Variants in NRCAM observed in about 807,000 individuals in gnomAD.
NRCAM encodes neuronal cell adhesion molecule.
NRCAM carries 83 observed loss-of-function variants against 156.5 expected under a neutral mutation model. The observed-to-expected ratio is 0.53, with a 90% CI of 0.44 to 0.64. NRCAM has a LOEUF of 0.64. Ranked by LOEUF, NRCAM falls within the 30% of genes least tolerant of loss-of-function variation. NRCAM has a pLI of 0.00. For synonymous variants in NRCAM, 538 were observed against 563.9 expected (o/e 0.95, Z 0.65); for missense variants, 1,417 against 1,597.3 (o/e 0.89, Z 1.92).
intron 2 of NRCAM, among the ~76,000 whole-genome samples, chr7:108,347,130 C>CG (rs1266673859): frequency 2.7e-5 from 4 of 150,172 alleles, no homozygotes; most frequent in African/African-American, 9.8e-5. Flanking sequence ...CACTGCCTCC[C>CG]GGGTTCATGC....
intron 1 of NRCAM, among the ~76,000 whole-genome samples, chr7:108,405,947 C>G (rs2099806046): frequency 7.5e-6 from 1 of 132,626 alleles, no homozygotes. Context: ...AGTGAGAATG[C>G]CTCTACAATT....
At chr7:108,199,035 G>C (rs757175193) in intron 13 of NRCAM, among the ~76,000 whole-genome samples, 43 of 152,212 alleles carry the variant, frequency 2.8e-4, no homozygotes, top group Non-Finnish European at 5.6e-4. Context: ...AGTACACTAA[G>C]AGGGATTTAG....
intron 1 of NRCAM, among the ~76,000 whole-genome samples, chr7:108,445,584 A>G (rs1355346300): frequency 1.3e-5 from 2 of 152,168 alleles, no homozygotes; most frequent in Non-Finnish European, 2.9e-5. Context: ...ATCATTTGTT[A>G]CAGTCACATA....
At chr7:108,350,228 T>C (rs1334211408) in intron 2 of NRCAM, among the ~76,000 whole-genome samples, 1 of 152,200 alleles carries the variant, frequency 6.6e-6, no homozygotes, top group Non-Finnish European at 1.5e-5. Flanking sequence ...TGGTGTTTAT[T>C]TATCATCTAA....
chr7:108,167,844 C>A (rs2055710412), intron 29 of NRCAM, among the ~76,000 whole-genome samples: 1 of 152,096 alleles, frequency 6.6e-6, no homozygotes, highest in African/African-American at 2.4e-5. Flanking sequence ...TCTGCGGTTT[C>A]TTATAAAATT....
At chr7:108,255,246 C>T (rs183068192) in intron 3 of NRCAM, among the ~76,000 whole-genome samples, 12 of 150,396 alleles carry the variant, frequency 8.0e-5, no homozygotes, top group African/African-American at 2.9e-4. Context: ...GCCGCCATCT[C>T]GGCTCACTGC....
intron 2 of NRCAM, among the ~76,000 whole-genome samples, chr7:108,391,397 C>T (rs2099759373): frequency 6.6e-6 from 1 of 152,056 alleles, no homozygotes; most frequent in African/African-American, 2.4e-5. Flanking sequence ...GATTGCAACC[C>T]CTGCTTTTTT....
intron 2 of NRCAM, among the ~76,000 whole-genome samples, chr7:108,366,746 T>C: frequency 6.6e-6 from 1 of 152,188 alleles, no homozygotes; most frequent in East Asian, 1.9e-4. Flanking sequence ...AATACCTAAT[T>C]GCAAGCTAAT....
chr7:108,183,379 T>C (rs1012606960), intron 22 of NRCAM, among the ~76,000 whole-genome samples: 5 of 142,116 alleles, frequency 3.5e-5, no homozygotes, highest in African/African-American at 7.5e-5. Context: ...TATGTACATA[T>C]ATGTATACAT....
chr7:108,324,426 T>C (rs1228399663), intron 2 of NRCAM, among the ~76,000 whole-genome samples: 1 of 152,184 alleles, frequency 6.6e-6, no homozygotes, highest in Non-Finnish European at 1.5e-5. Context: ...ATAATGCTTG[T>C]CTTCACATCA....
chr7:108,194,718 G>T (rs911015746), intron 15 of NRCAM, among the ~76,000 whole-genome samples: 1 of 152,170 alleles, frequency 6.6e-6, no homozygotes. Context: ...GTTAAGGTAG[G>T]GGCCAAGGGA....
intron 2 of NRCAM, among the ~76,000 whole-genome samples, chr7:108,364,420 T>C (rs1010282606): frequency 2.0e-5 from 3 of 152,132 alleles, no homozygotes; most frequent in African/African-American, 7.2e-5. Flanking sequence ...TGTAAAATGG[T>C]ATAGGCACTT....
intron 3 of NRCAM, among the ~76,000 whole-genome samples, chr7:108,256,056 C>CT (rs1384091304): frequency 1.1e-3 from 169 of 152,034 alleles, no homozygotes; most frequent in Non-Finnish European, 1.4e-3. Flanking sequence ...TGGGGGGCGC[C>CT]TCTGCCCGGC....
intron 3 of NRCAM, among the ~76,000 whole-genome samples, chr7:108,292,747 C>T (rs1990713): frequency 0.31 from 47,765 of 151,864 alleles, 7,837 homozygotes; most frequent in East Asian, 0.54. Flanking sequence ...AGGGTTATTA[C>T]GAAGTTTAAG....
chr7:108,282,546 A>C (rs1388868540), intron 3 of NRCAM, among the ~76,000 whole-genome samples: 1 of 152,210 alleles, frequency 6.6e-6, no homozygotes, highest in Non-Finnish European at 1.5e-5. Context: ...GTGTAAAATC[A>C]AATGTATTTT....
At chr7:108,297,500 G>C (rs1467460323) in intron 3 of NRCAM, among the ~76,000 whole-genome samples, 5 of 152,138 alleles carry the variant, frequency 3.3e-5, no homozygotes, top group African/African-American at 1.2e-4. Flanking sequence ...TTCATTATCT[G>C]ACAAAGAGCT....
chr7:108,218,116 C>G (rs184552653), intron 11 of NRCAM, among the ~76,000 whole-genome samples: 12 of 150,374 alleles, frequency 8.0e-5, no homozygotes, highest in Admixed American at 2.0e-4. Flanking sequence ...CTATCTGGGC[C>G]GGAATGCACT....
intron 3 of NRCAM, among the ~76,000 whole-genome samples, chr7:108,245,918 C>G (rs1326261943): frequency 6.6e-6 from 1 of 151,876 alleles, no homozygotes; most frequent in Non-Finnish European, 1.5e-5. Flanking sequence ...AATGATGTAA[C>G]TGAGAGATCT....
chr7:108,436,490 T>C (rs763828323), intron 1 of NRCAM, among the ~76,000 whole-genome samples: 2 of 152,166 alleles, frequency 1.3e-5, no homozygotes, highest in Non-Finnish European at 2.9e-5. Flanking sequence ...CCTTCAGGAA[T>C]TGGTTGTAGG....
Sources: gnomAD v4.1 joint callset for allele counts (sites outside exome capture counted in the v4.1 genomes callset) on GRCh38, gnomAD v4.1.1 for gene constraint, MANE v1.5 for transcripts, NCBI Gene and HGNC (gene_info 2026-07-23, HGNC 2026-07-21) for gene names.